The following FOXP1 variants were observed in gnomAD, a reference collection of about 807,000 sequenced individuals.
FOXP1 encodes forkhead box P1.
FOXP1 carries 15 observed loss-of-function variants against 98.2 expected under a neutral mutation model. That is an observed-to-expected ratio of 0.15 (90% CI 0.10 to 0.24). The LOEUF is 0.24. Ranked by LOEUF, FOXP1 falls within the 10% of genes least tolerant of loss-of-function variation. FOXP1 has a pLI of 1.00. For missense variants in FOXP1, 633 were observed against 848.5 expected, an observed-to-expected ratio of 0.75 and a Z score of 3.15; for synonymous variants, 371 against 314.5, an observed-to-expected ratio of 1.18 and a Z score of -1.90.
intron 3 of FOXP1, among the ~76,000 whole-genome samples, chr3:71,484,583 T>C (rs1167942090): frequency 6.6e-6 from 1 of 152,150 alleles, no homozygotes; most frequent in Non-Finnish European, 1.5e-5. Context: ...TCACAGCCAA[T>C]AGTGTGGATG....
At position 71,318,397 on chromosome 3, in the gene FOXP1, T is replaced by A. The variant is rs180781764; in HGVS notation, c.-72-18517A>T. Among the ~76,000 whole-genome samples the A allele has an allele frequency of 1.2e-4, 18 of 152,356 alleles. No individual in the cohort carries two copies. The East Asian group carries it at 3.5e-3, about 29-fold the overall frequency. On this transcript the variant is annotated intron_variant, in intron 4 of 20. Transcript: ENST00000649528. ...ATAACATACAATTAAATCAGACTAT[T>A]CAATTAATAAATTACTTTGGTGGAC...
chr3:71,001,254 C>T (rs931026962), intron 12 of FOXP1, among the ~76,000 whole-genome samples, 195 bp from the exon 13 acceptor site: 2 of 152,126 alleles, frequency 1.3e-5, no homozygotes, highest in African/African-American at 4.8e-5. Context: ...CTGTTATCAC[C>T]CAAAGAAAAG....
intron 3 of FOXP1, among the ~76,000 whole-genome samples, chr3:71,475,710 T>C (rs960343300): frequency 6.6e-6 from 1 of 151,962 alleles, no homozygotes; most frequent in African/African-American, 2.4e-5. Flanking sequence ...GGTGTGGTGC[T>C]GTGCACCTGT....
rs983306956 is a variant in FOXP1, at chr3:71,088,405, T to C, written c.282+24131A>G. Reference sequence around the variant, plus strand: ...GATACATTGTTTTGTTTTTTGTTTTTTTTTTTTTGGCTTACCAGTTTAATG... The same window carrying C: ...GATACATTGTTTTGTTTTTTGTTTTCTTTTTTTTGGCTTACCAGTTTAATG... On this transcript the variant is annotated intron_variant, in intron 7 of 20. Coordinates refer to ENST00000649528, the MANE Select transcript of FOXP1 (RefSeq NM_001349338.3). 3.9e-5 allele frequency among the ~76,000 whole-genome samples: 6 copies of C among 152,020 alleles called. No homozygotes were observed. In the East Asian group the frequency reaches 1.2e-3, roughly 29 times the overall value.
intron 2 of FOXP1, among the ~76,000 whole-genome samples, chr3:71,543,027 A>G (rs2045003850): frequency 6.6e-6 from 1 of 152,222 alleles, no homozygotes; most frequent in African/African-American, 2.4e-5. Flanking sequence ...CAATACTGAC[A>G]TAACATTAAC....
At chr3:71,092,443 G>C (rs1409098198) in intron 7 of FOXP1, among the ~76,000 whole-genome samples, 3 of 152,006 alleles carry the variant, frequency 2.0e-5, no homozygotes, top group Admixed American at 6.6e-5. Context: ...CAAGTACAGA[G>C]ACCCTTGTGG....
chr3:71,524,807 T>C (rs1423710968), intron 2 of FOXP1, among the ~76,000 whole-genome samples: 2 of 152,224 alleles, frequency 1.3e-5, no homozygotes, highest in East Asian at 3.9e-4. Context: ...AGATATCTAC[T>C]TGACCCCACA....
chr3:70,975,785 T>C (rs1195748619), intron 17 of FOXP1, among the ~76,000 whole-genome samples: 1 of 152,090 alleles, frequency 6.6e-6, no homozygotes, highest in African/African-American at 2.4e-5. Context: ...AGCAAGAATA[T>C]TAGACACCAA....
At chr3:71,224,151 A>AG (rs1560142965) in intron 5 of FOXP1, among the ~76,000 whole-genome samples, 1 of 152,218 alleles carries the variant, frequency 6.6e-6, no homozygotes, top group African/African-American at 2.4e-5. Context: ...CAGAGGCTCA[A>AG]GGGTGGTGGT....
chr3:71,343,775 C>T (rs904923677), intron 4 of FOXP1, among the ~76,000 whole-genome samples: 3 of 152,016 alleles, frequency 2.0e-5, no homozygotes, highest in East Asian at 1.9e-4. Context: ...GTGATCTGCC[C>T]GCCTTGGCCT....
At chr3:71,018,030 A>G (rs1281378059) in intron 11 of FOXP1, among the ~76,000 whole-genome samples, 1 of 152,234 alleles carries the variant, frequency 6.6e-6, no homozygotes, top group African/African-American at 2.4e-5. Flanking sequence ...GTAAGTGGTT[A>G]AACGGCTGTG....
intron 2 of FOXP1, among the ~76,000 whole-genome samples, chr3:71,565,562 C>T (rs1351497539): frequency 6.6e-6 from 1 of 152,110 alleles, no homozygotes; most frequent in African/African-American, 2.4e-5. Flanking sequence ...ATTAAGTGCT[C>T]AGGCTAGAAA....
chr3:71,066,546 A>T (rs756207467), intron 7 of FOXP1, among the ~76,000 whole-genome samples: 7 of 152,204 alleles, frequency 4.6e-5, no homozygotes, highest in Non-Finnish European at 8.8e-5. Flanking sequence ...ACTCTTAAAG[A>T]GAAAAGGTGC....
At chr3:71,066,571 C>A (rs1247155519) in intron 7 of FOXP1, among the ~76,000 whole-genome samples, 1 of 152,184 alleles carries the variant, frequency 6.6e-6, no homozygotes, top group Non-Finnish European at 1.5e-5. Flanking sequence ...TCCGGAGGGG[C>A]TGGCAGAGAG....
chr3:71,511,013 G>A (rs573347903), intron 2 of FOXP1, among the ~76,000 whole-genome samples: 8 of 152,140 alleles, frequency 5.3e-5, no homozygotes, highest in African/African-American at 1.7e-4. Context: ...CTGTATATCC[G>A]TTATAATATT....
chr3:71,310,560 C>T (rs2074610606), intron 4 of FOXP1, among the ~76,000 whole-genome samples: 1 of 152,216 alleles, frequency 6.6e-6, no homozygotes, highest in Admixed American at 6.5e-5. Context: ...CAGAGGGCCA[C>T]GTCTGGTTTA....
At chr3:71,486,979 G>A (rs901952479) in intron 3 of FOXP1, among the ~76,000 whole-genome samples, 3 of 152,158 alleles carry the variant, frequency 2.0e-5, no homozygotes, top group Non-Finnish European at 2.9e-5. Context: ...GCCCTGCACC[G>A]GTCAGCACCC....
intron 5 of FOXP1, among the ~76,000 whole-genome samples, chr3:71,217,910 T>G (rs558495564): frequency 6.6e-6 from 1 of 152,276 alleles, no homozygotes; most frequent in Admixed American, 6.5e-5. Flanking sequence ...AATCATAAAA[T>G]CATCTTCTCA....
At chr3:71,195,118 G>C (rs1000329597) in intron 6 of FOXP1, among the ~76,000 whole-genome samples, 1 of 152,130 alleles carries the variant, frequency 6.6e-6, no homozygotes, top group Non-Finnish European at 1.5e-5. Context: ...AAGGTTACCA[G>C]ATATTCTAAT....
Sources: gnomAD v4.1 joint callset for allele counts (sites outside exome capture counted in the v4.1 genomes callset) on GRCh38, gnomAD v4.1.1 for gene constraint, MANE v1.5 for transcripts, NCBI Gene and HGNC (gene_info 2026-07-23, HGNC 2026-07-21) for gene names.